The following MTHFD1L variants were observed in gnomAD, a reference collection of about 807,000 sequenced individuals.
MTHFD1L encodes monofunctional C1-tetrahydrofolate synthase, mitochondrial.
Under a neutral mutation model 119.5 loss-of-function variants are expected in MTHFD1L, and 81 were observed. The observed-to-expected ratio is 0.68, with a 90% CI of 0.57 to 0.82. The LOEUF (loss-of-function observed/expected upper bound fraction) is 0.82. MTHFD1L is among the 40% of genes least tolerant of loss of function. MTHFD1L has a pLI of 0.00. For synonymous variants in MTHFD1L, 430 were observed against 475.2 expected, an observed-to-expected ratio of 0.90 and a Z score of 1.24; for missense variants, 1,125 against 1,253.4, an observed-to-expected ratio of 0.90 and a Z score of 1.55.
chr6:150,922,909 G>T (rs1789240859), intron 10 of MTHFD1L, among the ~76,000 whole-genome samples: 1 of 152,202 alleles, frequency 6.6e-6, no homozygotes. Flanking sequence ...CTCCCAAAGT[G>T]CTGGGATTAC....
At chr6:150,937,047 G>C in intron 12 of MTHFD1L, 107 bp downstream of exon 12, 1 of 1,376,212 alleles carries the variant, frequency 7.3e-7, no homozygotes, top group Non-Finnish European at 9.9e-7. Flanking sequence ...CAGGGGACTT[G>C]GTACATTTCT....
chr6:150,868,741 A>G (rs903437366), intron 1 of MTHFD1L, among the ~76,000 whole-genome samples: 2 of 152,176 alleles, frequency 1.3e-5, no homozygotes, highest in Admixed American at 6.5e-5. Flanking sequence ...AATCAAAATT[A>G]TTAGTAGGTA....
intron 26 of MTHFD1L, among the ~76,000 whole-genome samples, chr6:151,071,503 T>C (rs1164154981): frequency 6.6e-6 from 1 of 152,024 alleles, no homozygotes; most frequent in Non-Finnish European, 1.5e-5. Context: ...GAATGTGCCA[T>C]CATAGGAAGC....
chr6:150,917,151 G>A (rs1788118641), intron 8 of MTHFD1L, among the ~76,000 whole-genome samples: 1 of 152,116 alleles, frequency 6.6e-6, no homozygotes, highest in Admixed American at 6.6e-5. Flanking sequence ...CCCTGTGAGT[G>A]TTTTCATCTG....
At chr6:150,951,033 G>GTTTTTTTTTTTTTTTTTTTTTTTTTT (rs562283052) in intron 16 of MTHFD1L, among the ~76,000 whole-genome samples, 1 of 125,924 alleles carries the variant, frequency 7.9e-6, no homozygotes, top group Non-Finnish European at 1.7e-5. Flanking sequence ...AAACTTTATG[G>GTTTTTTTTTTTTTTTTTTTTTTTTTT]TTTTTTTTTT....
At chr6:150,909,528 A>G (rs1786508512) in intron 8 of MTHFD1L, among the ~76,000 whole-genome samples, 1 of 152,186 alleles carries the variant, frequency 6.6e-6, no homozygotes, top group African/African-American at 2.4e-5. Context: ...ACTGGTGTAA[A>G]CCACCATGTC....
At chr6:150,907,849 T>A (rs1237582178) in intron 8 of MTHFD1L, among the ~76,000 whole-genome samples, 2 of 152,096 alleles carry the variant, frequency 1.3e-5, no homozygotes, top group African/African-American at 2.4e-5. Context: ...GGTTTTTGAA[T>A]GCCCAGTGTC....
chr6:150,963,761 C>T (rs369367965), intron 18 of MTHFD1L, among the ~76,000 whole-genome samples: 3 of 152,138 alleles, frequency 2.0e-5, no homozygotes, highest in Admixed American at 6.6e-5. Context: ...GTTTTCCCCC[C>T]CTAGAGCTAC....
At chr6:150,967,971 G>A (rs781644192) in intron 19 of MTHFD1L, among the ~76,000 whole-genome samples, 1 of 151,586 alleles carries the variant, frequency 6.6e-6, no homozygotes, top group Non-Finnish European at 1.5e-5. Flanking sequence ...ACCCCTTCCC[G>A]CTCCTTGTCC....
chr6:150,960,430 C>G lies in MTHFD1L; in HGVS notation c.1944+15C>G. On this transcript the variant is annotated intron_variant, in intron 18 of 27. Coordinates refer to ENST00000367321, the MANE Select transcript of MTHFD1L (RefSeq NM_015440.5). ...CAGATGATTTGGTGAGTGTTTCCAA[C>G]TCGGAAGCTTCAGGGAGTGGACGGT... 2 of 1,599,334 alleles carry G rather than the reference C, an allele frequency of 1.3e-6. No homozygotes were observed. The highest frequency in any genetic ancestry group is 1.7e-6 in the Non-Finnish European group (2 of 1,172,268).
chr6:150,961,261 T>C (rs1043283959), intron 18 of MTHFD1L, among the ~76,000 whole-genome samples: 1 of 152,096 alleles, frequency 6.6e-6, no homozygotes, highest in African/African-American at 2.4e-5. Flanking sequence ...GCCCAGTTAA[T>C]TTTTGTATTT....
chr6:151,025,608 C>G (rs540543404), intron 24 of MTHFD1L, among the ~76,000 whole-genome samples: 1 of 152,326 alleles, frequency 6.6e-6, no homozygotes, highest in Non-Finnish European at 1.5e-5. Flanking sequence ...ATTGATCCTT[C>G]TCTTTACATG....
At chr6:150,965,126 G>C in intron 19 of MTHFD1L, 89 bp downstream of exon 19, 6 of 1,124,618 alleles carry the variant, frequency 5.3e-6, no homozygotes, top group Non-Finnish European at 8.1e-6. Context: ...GGCAGGCATA[G>C]AGCATGCCTG....
chr6:151,077,907 C>T lies in MTHFD1L; in HGVS notation c.2848-14560C>T, dbSNP rs1481996715. On this transcript the variant is annotated intron_variant, in intron 26 of 27. Coordinates refer to ENST00000367321, the MANE Select transcript of MTHFD1L (RefSeq NM_015440.5). ...TCTACTAAAAATACAAAAAATTAGCCGGGCGTGGTGGCAGGCGCCTGTAGC... is the reference window on the plus strand; with the variant it reads ...TCTACTAAAAATACAAAAAATTAGCTGGGCGTGGTGGCAGGCGCCTGTAGC... Among the ~76,000 whole-genome samples, 33 of 151,236 alleles carry T rather than the reference C, an allele frequency of 2.2e-4. 1 individual carries two copies. In the South Asian group the frequency reaches 2.5e-3, roughly 12 times the overall value.
At chr6:150,912,366 T>A (rs1015556775) in intron 8 of MTHFD1L, among the ~76,000 whole-genome samples, 4 of 152,096 alleles carry the variant, frequency 2.6e-5, no homozygotes, top group Admixed American at 6.5e-5. Flanking sequence ...TTTTAAAACC[T>A]CGCATACATT....
intron 17 of MTHFD1L, 23 bp from the exon 18 acceptor site, chr6:150,960,252 T>C: frequency 6.2e-7 from 1 of 1,602,484 alleles, no homozygotes; most frequent in Non-Finnish European, 8.5e-7. Context: ...CGCTGACCAC[T>C]ACCTGTGTTT....
At chr6:150,944,077 C>A (rs1356181542) in intron 13 of MTHFD1L, among the ~76,000 whole-genome samples, 1 of 152,164 alleles carries the variant, frequency 6.6e-6, no homozygotes, top group Non-Finnish European at 1.5e-5. Context: ...TTTGTTGTCA[C>A]GTGGAAGGCT....
chr6:150,866,059 G>A lies in MTHFD1L; in HGVS notation c.227+10G>A. The stretch of plus-strand genomic sequence containing the variant: ...GGGACTCCATCGTCAGGTGAGTGTC[G>A]GGTCTGGCCCTGGCCCAGGTCTCCA... On this transcript the variant is annotated intron_variant, in intron 1 of 27. Transcript: ENST00000367321. 1.4e-6 allele frequency: 2 copies of A among 1,473,262 alleles called. No homozygotes were observed. The highest frequency in any genetic ancestry group is 1.8e-6 in the Non-Finnish European group (2 of 1,119,710). The allele number at this position is 1,473,262 out of a possible 1,614,324, so 91.3% of individuals were successfully genotyped here. A position where few individuals can be genotyped will look rare whatever the true frequency, so the allele number is the denominator to read the frequency against.
intron 7 of MTHFD1L, among the ~76,000 whole-genome samples, chr6:150,895,855 C>T (rs755169372): frequency 2.6e-5 from 4 of 152,102 alleles, no homozygotes; most frequent in Non-Finnish European, 5.9e-5. Context: ...GACAATTCTC[C>T]TTTTAACAGG....
Sources: gnomAD v4.1 joint callset for allele counts (sites outside exome capture counted in the v4.1 genomes callset) on GRCh38, gnomAD v4.1.1 for gene constraint, MANE v1.5 for transcripts, NCBI Gene and HGNC (gene_info 2026-07-23, HGNC 2026-07-21) for gene names.